The following SP5 variants were observed in gnomAD, a reference collection of about 807,000 sequenced individuals.
The protein encoded by SP5 is Sp5 transcription factor, also known as transcription factor Sp5.
Under a neutral mutation model 27.4 loss-of-function variants are expected in SP5, and 12 were observed. That is an observed-to-expected ratio of 0.44 (90% CI 0.28 to 0.71). The LOEUF (loss-of-function observed/expected upper bound fraction) is 0.71. Among genes scored for constraint, SP5 ranks in the 30% least tolerant of loss-of-function variants. SP5 has a pLI of 0.15. For missense variants in SP5, 660 were observed against 589.8 expected (o/e 1.12, Z -1.23); for synonymous variants, 330 against 290.7 (o/e 1.14, Z -1.38).
Position 170,717,246 on chromosome 2 carries a change from C to T in SP5, c.1039C>T (p.Leu347=). 2 of 1,610,078 alleles carry T rather than the reference C, an allele frequency of 1.2e-6. No homozygotes were observed. The highest frequency in any genetic ancestry group is 1.7e-6 in the Non-Finnish European group (2 of 1,179,514). ...GCGCTCGGACGAGCTGCAGCGGCAC[C>T]TGCGGACTCACACGGGCGAGAAGCG... ...FTRSDELQRH[L]RTHTGEKRFA... The change falls in exon 2 of 2, where the codon CTG becomes TTG. Residue 347 remains leucine, a synonymous_variant. Coordinates refer to ENST00000375281, the MANE Select transcript of SP5 (RefSeq NM_001003845.3).
At chr2:170,715,701 C>T in intron 1 of SP5, 138 bp downstream of exon 1, 1 of 1,422,578 alleles carries the variant, frequency 7.0e-7, no homozygotes, top group Non-Finnish European at 9.2e-7. Context: ...GGGGTGCCCA[C>T]GCCAACTTCA....
At position 170,717,131 on chromosome 2, in the gene SP5, G is replaced by C; in HGVS notation, c.924G>C (p.Gly308=). The change falls in exon 2 of 2, where the codon GGG becomes GGC. Residue 308 remains glycine, a synonymous_variant. Transcript: ENST00000375281. Reference sequence around the variant, plus strand: ...TGCCGGGCTGCGGCAAGGTGTACGGGAAGACGTCGCACCTGAAGGCGCACC... The same window carrying C: ...TGCCGGGCTGCGGCAAGGTGTACGGCAAGACGTCGCACCTGAAGGCGCACC... The part of the protein sequence containing the change: ...CHVPGCGKVY[G]KTSHLKAHLR... The C allele has an allele frequency of 6.2e-7, 1 of 1,600,096 alleles. No individual in the cohort carries two copies. The highest frequency in any genetic ancestry group is 8.5e-7 in the Non-Finnish European group (1 of 1,174,548).
At chr2:170,716,111 G>C (rs1700059706) in intron 1 of SP5, 148 bp from the exon 2 acceptor site, 2 of 1,408,608 alleles carry the variant, frequency 1.4e-6, no homozygotes, top group African/African-American at 1.5e-5. Context: ...GTGGGTGCGT[G>C]CGTGGGGTGC....
chr2:170,715,965 C>T (rs2105585628), intron 1 of SP5: 1 of 1,349,034 alleles, frequency 7.4e-7, no homozygotes, highest in East Asian at 3.1e-5. Context: ...AGGGGCCCGT[C>T]GGATGCCTCC....
Position 170,716,297 on chromosome 2 carries a change from C to A in SP5, c.90C>A (p.His30Gln). 1 of 1,595,904 alleles carries A rather than the reference C, an allele frequency of 6.3e-7. No homozygotes were observed. The highest frequency in any genetic ancestry group is 8.5e-7 in the Non-Finnish European group (1 of 1,179,204). The change falls in exon 2 of 2, where the codon CAC (histidine) becomes CAA (glutamine). Residue 30 changes from histidine to glutamine, a missense_variant. Transcript: ENST00000375281. The stretch of plus-strand genomic sequence containing the variant: ...GCGCCTCCCCGGACCTGGGCAAGCA[C>A]TCGCCCCTGGCATTGCTGGCCGCCA... Reference protein sequence around the residue: ...TPSASPDLGKHSPLALLAATC... With the variant: ...TPSASPDLGKQSPLALLAATC...
chr2:170,717,294 A>G lies in SP5; in HGVS notation c.1087A>G (p.Lys363Glu), dbSNP rs993873930. The G allele has an allele frequency of 6.2e-7, 1 of 1,610,066 alleles. No homozygotes were observed. The highest frequency in any genetic ancestry group is 2.2e-5 in the East Asian group (1 of 44,856). ...GCGCTTTGCCTGTCCCGAGTGCGGCAAGCGCTTCATGCGCAGCGACCACCT... is the reference window on the plus strand; with the variant it reads ...GCGCTTTGCCTGTCCCGAGTGCGGCGAGCGCTTCATGCGCAGCGACCACCT... ...EKRFACPECG[K>E]RFMRSDHLAK... The change falls in exon 2 of 2, where the codon AAG becomes GAG. Residue 363 changes from lysine (K) to glutamate (E), a missense_variant. Physicochemically the swap from Lys to Glu is moderately conservative, Grantham distance 56. Coordinates refer to ENST00000375281, the MANE Select transcript of SP5 (RefSeq NM_001003845.3).
Position 170,717,221 on chromosome 2 carries a change from G to C in SP5, c.1014G>C (p.Thr338=). The change falls in exon 2 of 2, where the codon ACG becomes ACC. Residue 338 remains threonine (T), a synonymous_variant. Coordinates refer to ENST00000375281, the MANE Select transcript of SP5 (RefSeq NM_001003845.3). ...GGCTCTTCTGCGGGAAGAGCTTCAC[G>C]CGCTCGGACGAGCTGCAGCGGCACC... ...CNWLFCGKSF[T]RSDELQRHLR... is the part of the protein sequence containing the mutation. 5.0e-6 allele frequency: 8 copies of C among 1,608,694 alleles called. No homozygotes were observed. The highest frequency in any genetic ancestry group is 6.8e-6 in the Non-Finnish European group (8 of 1,178,784).
chr2:170,716,994 C>G lies in SP5; in HGVS notation c.787C>G (p.Pro263Ala), dbSNP rs770132344. 1.3e-6 allele frequency: 2 copies of G among 1,547,774 alleles called. No individual in the cohort carries two copies. Among genetic ancestry groups the G allele is most frequent in the South Asian group, 2.4e-5 (2 of 83,958 alleles). The change falls in exon 2 of 2, where the codon CCC (proline) becomes GCC (alanine). Residue 263 changes from proline (P) to alanine (A), a missense_variant. By Grantham distance (27) the Pro-to-Ala change is conservative. Transcript: ENST00000375281. ...QIAALLQTKA[P>A]LAATARRCRR... is the part of the protein sequence containing the mutation. ...CGCCGCGCTGCTGCAGACCAAGGCC[C>G]CCCTGGCGGCCACGGCCAGGAGGTG...
chr2:170,717,148 A>C lies in SP5; in HGVS notation c.941A>C (p.Lys314Thr). 6.2e-7 allele frequency: 1 copy of C among 1,604,954 alleles called. No homozygotes were observed. The highest frequency in any genetic ancestry group is 1.3e-5 in the African/African-American group (1 of 74,922). Residue 314 changes from lysine to threonine, a missense_variant, in exon 2 of 2, where the codon AAG becomes ACG. Lys to Thr is a moderately conservative substitution (Grantham distance 78). Transcript: ENST00000375281. ...GTGTACGGGAAGACGTCGCACCTGA[A>C]GGCGCACCTGCGCTGGCACACGGGC... ...GKVYGKTSHL[K>T]AHLRWHTGER...
chr2:170,716,122 G>C, intron 1 of SP5, 137 bp from the exon 2 acceptor site: 1 of 1,410,186 alleles, frequency 7.1e-7, no homozygotes, highest in Non-Finnish European at 9.2e-7. Flanking sequence ...CGTGGGGTGC[G>C]GTGGCGGGGG....
chr2:170,716,216 T>G, intron 1 of SP5, 43 bp from the exon 2 acceptor site: 9 of 1,561,724 alleles, frequency 5.8e-6, no homozygotes, highest in Non-Finnish European at 7.7e-6. Context: ...CGCTTGGAGC[T>G]AACCTTTTGT....
chr2:170,716,650 C>G lies in SP5; in HGVS notation c.443C>G (p.Pro148Arg). The change falls in exon 2 of 2, where the codon CCC becomes CGC. Residue 148 changes from proline (P) to arginine (R), a missense_variant. By Grantham distance (103) the Pro-to-Arg change is moderately radical (BLOSUM62 -2). Coordinates refer to ENST00000375281, the MANE Select transcript of SP5 (RefSeq NM_001003845.3). ...LPASCAPAYV[P>R]YAAQAALPPG... ...GCCAGCTGCGCGCCCGCCTACGTGC[C>G]CTACGCGGCGCAGGCCGCGCTGCCG... The G allele has an allele frequency of 6.2e-7, 1 of 1,604,540 alleles. No homozygotes were observed. The highest frequency in any genetic ancestry group is 8.5e-7 in the Non-Finnish European group (1 of 1,177,188).
chr2:170,715,589 G>A (rs1432972173), intron 1 of SP5, 26 bp downstream of exon 1: 3 of 1,546,476 alleles, frequency 1.9e-6, no homozygotes, highest in East Asian at 2.5e-5. Flanking sequence ...GGAGGGGGCG[G>A]GAGAAAGGTG....
chr2:170,715,706 A>G, intron 1 of SP5, 143 bp downstream of exon 1: 1 of 1,420,532 alleles, frequency 7.0e-7, no homozygotes, highest in South Asian at 1.5e-5. Context: ...GCCCACGCCA[A>G]CTTCACACCT....
chr2:170,716,481 T>C lies in SP5; in HGVS notation c.274T>C (p.Leu92=). The change falls in exon 2 of 2, where the codon TTG becomes CTG. Residue 92 remains leucine (L), a synonymous_variant. Coordinates refer to ENST00000375281, the MANE Select transcript of SP5 (RefSeq NM_001003845.3). The stretch of plus-strand genomic sequence containing the variant: ...CGCACTGCCGCCCCCGCATCCCAGC[T>C]TGGGGCTGACGCCGCAGAAGACGCA... ...PGALPPPHPS[L]GLTPQKTHLQ... 6.2e-7 allele frequency: 1 copy of C among 1,609,298 alleles called. No individual in the cohort carries two copies. Among genetic ancestry groups the C allele is most frequent in the Non-Finnish European group, 8.5e-7 (1 of 1,179,228 alleles).
rs1427621549 is a variant in SP5, at chr2:170,716,869, G to C, written c.662G>C (p.Arg221Pro). The change falls in exon 2 of 2, where the codon CGC becomes CCC. Residue 221 changes from arginine to proline, a missense_variant. Arg to Pro is a moderately radical substitution (Grantham distance 103). Coordinates refer to ENST00000375281, the MANE Select transcript of SP5 (RefSeq NM_001003845.3). ...TGTGCCGGGGCCCCCCACGCGCCCC[G>C]CTTCCCCGCCTCTGCGGCCGCTGCT... is the stretch of plus-strand genomic sequence containing the variant. The part of the protein sequence containing the change: ...GACAGAPHAP[R>P]FPASAAAAAA... 1.4e-6 allele frequency: 2 copies of C among 1,470,654 alleles called. No homozygotes were observed. Among genetic ancestry groups the C allele is most frequent in the Admixed American group, 5.5e-5 (2 of 36,296 alleles). The allele number at this position is 1,470,654 out of a possible 1,614,324, so 91.1% of individuals were successfully genotyped here.
rs374162125 is a variant in SP5 at position 170,717,030 on chromosome 2, C to T, written c.823C>T (p.Arg275Cys). 6 of 1,547,552 alleles carry T rather than the reference C, an allele frequency of 3.9e-6. No individual in the cohort carries two copies. The South Asian group carries it at 6.0e-5, about 15-fold the overall frequency. The change falls in exon 2 of 2, where the codon CGC (arginine) becomes TGC (cysteine). Residue 275 changes from arginine (R) to cysteine (C), a missense_variant. Transcript: ENST00000375281. ...CACGGCCAGGAGGTGCCGCCGCTGC[C>T]GCTGTCCCAACTGCCAGGCGGCGGG... ...AATARRCRRC[R>C]CPNCQAAGGA...
Position 170,717,562 on chromosome 2 carries a change from G to A in SP5, c.*158G>A, listed in dbSNP as rs1700098114. The A allele has an allele frequency of 8.0e-6, 8 of 1,001,084 alleles. No individual in the cohort carries two copies. Among genetic ancestry groups the A allele is most frequent in the East Asian group, 7.8e-5 (3 of 38,286 alleles). 62.0% of individuals were successfully genotyped at this position (1,001,084 alleles called of 1,614,324 possible). A position where few individuals can be genotyped will look rare whatever the true frequency, so the allele number is the denominator to read the frequency against. On this transcript the variant is annotated 3_prime_UTR_variant, in exon 2 of 2. Transcript: ENST00000375281. ...AACTTCCGCTGCCTTCGGACATAGG[G>A]ACCCAGTTCCCAGGAGCGGGGAGGT...
intron 1 of SP5, 104 bp downstream of exon 1, chr2:170,715,667 T>A (rs1700046764): frequency 6.8e-7 from 1 of 1,466,774 alleles, no homozygotes; most frequent in South Asian, 1.4e-5. Context: ...ACCCCGCCGA[T>A]GGGTGCAGCT....
Sources: allele counts gnomAD v4.1 joint callset, GRCh38; gene constraint gnomAD v4.1.1; transcripts MANE v1.5; gene names NCBI Gene and HGNC (gene_info 2026-07-23, HGNC 2026-07-21).